The following DNAH11 variants were observed in gnomAD, a reference collection of about 807,000 sequenced individuals.
The protein encoded by DNAH11 is axonemal beta dynein heavy chain 11.
A neutral mutation model predicts 526.0 loss-of-function variants in DNAH11; 442 were observed. The ratio of observed to expected loss-of-function variants is 0.84; its 90% CI spans 0.78 to 0.91. The LOEUF is 0.91. Ranked by LOEUF, DNAH11 falls within the 40% of genes least tolerant of loss-of-function variation. DNAH11 has a pLI of 0.00. For missense variants in DNAH11, 6,989 were observed against 5,448.7 expected (o/e 1.28, Z -8.90); for synonymous variants, 2,461 against 1,935.9 (o/e 1.27, Z -7.12).
intron 54 of DNAH11, among the ~76,000 whole-genome samples, chr7:21,760,940 ATTTAT>A (rs796080880): frequency 2.6e-5 from 4 of 152,264 alleles, no homozygotes; most frequent in African/African-American, 7.2e-5. Context: ...TTTTAAAATG[ATTTAT>A]TTTGTTTTTA....
rs543208305 is a variant in DNAH11, at chr7:21,620,963, C to A, written c.4500+885C>A. 1.2e-3 allele frequency among the ~76,000 whole-genome samples: 189 copies of A among 152,098 alleles called. 3 individuals are homozygous for A. Among genetic ancestry groups the A allele is most frequent in the African/African-American group, 4.2e-3 (174 of 41,480 alleles). On this transcript the variant is annotated intron_variant, in intron 25 of 81. Coordinates refer to ENST00000409508, the MANE Select transcript of DNAH11 (RefSeq NM_001277115.2). ...CCACATTTGCTTAATCCAGTCTATC[C>A]TCGTTGGACATTTGGGTTGGTTCCA...
chr7:21,712,621 T>C (rs1784504530), intron 42 of DNAH11, among the ~76,000 whole-genome samples: 1 of 152,256 alleles, frequency 6.6e-6, no homozygotes, highest in Non-Finnish European at 1.5e-5. Context: ...TGATGATCAG[T>C]GATGTTGAAC....
At chr7:21,888,158 C>T (rs1411971335) in intron 76 of DNAH11, among the ~76,000 whole-genome samples, 1 of 152,160 alleles carries the variant, frequency 6.6e-6, no homozygotes, top group Non-Finnish European at 1.5e-5. Flanking sequence ...TAGAAAATCA[C>T]CAATGTACCT....
intron 2 of DNAH11, among the ~76,000 whole-genome samples, chr7:21,557,644 A>G (rs994673220): frequency 2.0e-5 from 3 of 152,070 alleles, no homozygotes; most frequent in African/African-American, 7.2e-5. Context: ...TCAATATATG[A>G]ATTTTCAGAG....
intron 57 of DNAH11, among the ~76,000 whole-genome samples, chr7:21,782,907 CA>C (rs747285978): frequency 0.052 from 3,352 of 64,446 alleles, 120 homozygotes; most frequent in African/African-American, 0.14. Context: ...GAAACTGTCT[CA>C]AAAAAAAAAA....
In DNAH11 at chr7:21,698,202, C is replaced by T; in HGVS notation, c.6169C>T (p.Leu2057Phe). 6.2e-7 allele frequency: 1 copy of T among 1,613,450 alleles called. No individual in the cohort carries two copies. The highest frequency in any genetic ancestry group is 8.5e-7 in the Non-Finnish European group (1 of 1,179,642). ...ITLYTLCKEL[L>F]SKQDHYDWGL... is the part of the protein sequence containing the mutation. ...GTTGTACACGCTTTGCAAGGAGCTT[C>T]TCTCCAAGCAGGTGAGGGATCATTT... The change falls in exon 36 of 82, where the codon CTC (leucine) becomes TTC (phenylalanine). Residue 2057 changes from leucine to phenylalanine, a missense_variant. Transcript: ENST00000409508.
chr7:21,886,733 C>G (rs1326187836), intron 76 of DNAH11, among the ~76,000 whole-genome samples: 1 of 152,186 alleles, frequency 6.6e-6, no homozygotes, highest in Non-Finnish European at 1.5e-5. Flanking sequence ...TTAACCTTCA[C>G]AAGCCTGAAC....
chr7:21,638,970 T>C lies in DNAH11; in HGVS notation c.4849T>C (p.Tyr1617His). The change falls in exon 28 of 82, where the codon TAC becomes CAC. Residue 1617 changes from tyrosine to histidine, a missense_variant. Coordinates refer to ENST00000409508, the MANE Select transcript of DNAH11 (RefSeq NM_001277115.2). ...LSLCEKALAE[Y>H]LETKRIAFPR... ...TCTTTGTGAAAAAGCTCTCGCTGAA[T>C]ACCTGGAAACCAAGCGCATAGCCTT... is the stretch of plus-strand genomic sequence containing the variant. 2 of 1,612,050 alleles carry C rather than the reference T, an allele frequency of 1.2e-6. No homozygotes were observed. Among genetic ancestry groups the C allele is most frequent in the Non-Finnish European group, 1.7e-6 (2 of 1,179,348 alleles).
intron 64 of DNAH11, among the ~76,000 whole-genome samples, chr7:21,817,972 A>G (rs1258001947): frequency 6.6e-6 from 1 of 152,222 alleles, no homozygotes; most frequent in African/African-American, 2.4e-5. Flanking sequence ...CAACTAATCT[A>G]TACATAGATT....
At position 21,601,248 on chromosome 7, in the gene DNAH11, T is replaced by C. The variant is rs1210303742; in HGVS notation, c.3425+69T>C. 5 of 1,510,528 alleles carry C rather than the reference T, an allele frequency of 3.3e-6. No individual in the cohort carries two copies. In the African/African-American group the frequency reaches 5.6e-5, roughly 17 times the overall value. The allele number at this position is 1,510,528 out of a possible 1,614,324, so 93.6% of individuals were successfully genotyped here. The stretch of plus-strand genomic sequence containing the variant: ...GCTTTCTAAAACTGAGATGTTACTT[T>C]TAAGCGTATTAATGTTGCCAGTTTC... On this transcript the variant is annotated intron_variant, in intron 17 of 81. Coordinates refer to ENST00000409508, the MANE Select transcript of DNAH11 (RefSeq NM_001277115.2).
intron 35 of DNAH11, among the ~76,000 whole-genome samples, chr7:21,694,356 C>T (rs192207832): frequency 1.3e-5 from 2 of 152,242 alleles, no homozygotes; most frequent in African/African-American, 4.8e-5. Flanking sequence ...TCTTGCCCCC[C>T]ACCACCTGAC....
intron 20 of DNAH11, among the ~76,000 whole-genome samples, chr7:21,614,155 G>C (rs545223436): frequency 2.6e-4 from 40 of 152,284 alleles, no homozygotes; most frequent in African/African-American, 9.4e-4. Context: ...GTTGAAGGTT[G>C]ATGGAACATA....
intron 8 of DNAH11, 137 bp from the exon 9 acceptor site, chr7:21,581,768 T>C: frequency 1.6e-6 from 1 of 615,166 alleles, no homozygotes; most frequent in East Asian, 2.7e-5. Context: ...TTCCGTAGAA[T>C]GCTGCTATGA....
At chr7:21,744,647 G>C in intron 50 of DNAH11, 48 bp downstream of exon 50, 2 of 1,599,428 alleles carry the variant, frequency 1.3e-6, no homozygotes, top group Non-Finnish European at 1.7e-6. Context: ...ACACCAACTG[G>C]GTATTGGGAC....
chr7:21,684,952 C>G (rs1783307769), intron 32 of DNAH11, among the ~76,000 whole-genome samples: 1 of 152,192 alleles, frequency 6.6e-6, no homozygotes, highest in South Asian at 2.1e-4. Context: ...TCCACTATCA[C>G]CGAAGTGTAG....
At chr7:21,704,932 C>T (rs1190033900) in intron 38 of DNAH11, among the ~76,000 whole-genome samples, 4 of 152,110 alleles carry the variant, frequency 2.6e-5, no homozygotes, top group African/African-American at 7.2e-5. Context: ...TTGTTCTTTC[C>T]TCCTTTTTAG....
At chr7:21,551,246 G>A (rs1562654284) in intron 2 of DNAH11, among the ~76,000 whole-genome samples, 1 of 152,152 alleles carries the variant, frequency 6.6e-6, no homozygotes, top group African/African-American at 2.4e-5. Flanking sequence ...GGGACGTCTG[G>A]GATCAGGCTT....
intron 23 of DNAH11, among the ~76,000 whole-genome samples, chr7:21,617,986 A>C (rs186305981): frequency 8.9e-4 from 136 of 152,316 alleles, no homozygotes; most frequent in Non-Finnish European, 1.7e-3. Flanking sequence ...GGCTGTCCCC[A>C]GGACAGCAGA....
At chr7:21,695,579 A>C (rs934394171) in intron 35 of DNAH11, among the ~76,000 whole-genome samples, 2 of 152,222 alleles carry the variant, frequency 1.3e-5, no homozygotes, top group African/African-American at 4.8e-5. Flanking sequence ...TACACCTTAC[A>C]CAAAAATTAA....
Sources: gnomAD v4.1 joint callset for allele counts (sites outside exome capture counted in the v4.1 genomes callset) on GRCh38, gnomAD v4.1.1 for gene constraint, MANE v1.5 for transcripts, NCBI Gene and HGNC (gene_info 2026-07-23, HGNC 2026-07-21) for gene names.